The following WRN variants were observed in gnomAD, a reference collection of about 807,000 sequenced individuals.
The protein encoded by WRN is bifunctional 3'-5' exonuclease/ATP-dependent helicase WRN.
In WRN, 149 loss-of-function variants were observed where a neutral mutation model predicts 180.7. That is an observed-to-expected ratio of 0.82 (90% CI 0.72 to 0.94). The LOEUF (loss-of-function observed/expected upper bound fraction) is 0.94. WRN is among the 40% of genes least tolerant of loss of function. The pLI, the probability that WRN is intolerant of heterozygous loss-of-function variation, is 0.00. For missense variants in WRN, 1,661 were observed against 1,700.1 expected (o/e 0.98, Z 0.40); for synonymous variants, 548 against 568.9 (o/e 0.96, Z 0.52).
At chr8:31,091,010 A>G (rs1813730024) in intron 15 of WRN, 68 bp downstream of exon 15, 1 of 1,164,620 alleles carries the variant, frequency 8.6e-7, no homozygotes, top group Non-Finnish European at 1.3e-6. Flanking sequence ...CATCTGATCC[A>G]TCATGCATGT....
intron 21 of WRN, 23 bp from the exon 22 acceptor site, chr8:31,124,499 C>T (rs746939229): frequency 1.9e-6 from 3 of 1,559,016 alleles, no homozygotes; most frequent in Non-Finnish European, 2.7e-6. Context: ...TTTACATATT[C>T]CTGTGATGTT....
At chr8:31,086,334 A>C (rs1271881011) in intron 11 of WRN, among the ~76,000 whole-genome samples, 2 of 152,096 alleles carry the variant, frequency 1.3e-5, no homozygotes, top group Non-Finnish European at 2.9e-5. Flanking sequence ...GCACTTTGGG[A>C]GGCCGAGGCA....
intron 34 of WRN, among the ~76,000 whole-genome samples, chr8:31,170,321 T>C (rs1804055275): frequency 6.6e-6 from 1 of 152,176 alleles, no homozygotes; most frequent in South Asian, 2.1e-4. Flanking sequence ...TTTTTCTTCT[T>C]ATTTTTCTTG....
chr8:31,076,202 A>C lies in WRN; in HGVS notation c.754A>C (p.Lys252Gln), dbSNP rs751986285. Reference sequence around the variant, plus strand: ...AGAAATCCTACTTAGCGACATGAACAAACAGTTGACTTCAATCTCTGAGGA... The same window carrying C: ...AGAAATCCTACTTAGCGACATGAACCAACAGTTGACTTCAATCTCTGAGGA... ...EEEILLSDMNKQLTSISEEVM... is the reference protein window; with the variant it reads ...EEEILLSDMNQQLTSISEEVM... Residue 252 changes from lysine (K) to glutamine (Q), a missense_variant, in exon 8 of 35, where the codon AAA becomes CAA. Around this residue, in one of 3 missense-constraint regions of WRN, gnomAD observed 500 missense variants for 504.1 expected, o/e 0.99. Transcript: ENST00000298139. 6.2e-7 allele frequency: 1 copy of C among 1,613,934 alleles called. No homozygotes were observed. The highest frequency in any genetic ancestry group is 8.5e-7 in the Non-Finnish European group (1 of 1,179,920).
chr8:31,162,778 C>T (rs1032284941), intron 33 of WRN, among the ~76,000 whole-genome samples: 1 of 152,082 alleles, frequency 6.6e-6, no homozygotes, highest in African/African-American at 2.4e-5. Context: ...CTGTTGGCTG[C>T]CCGTCGTTGA....
intron 26 of WRN, among the ~76,000 whole-genome samples, chr8:31,142,059 C>T (rs1225995738): frequency 6.6e-6 from 1 of 152,050 alleles, no homozygotes; most frequent in Non-Finnish European, 1.5e-5. Context: ...AAGTAATCCT[C>T]AGCCACCTGA....
chr8:31,046,067 G>A lies in WRN; in HGVS notation c.-77+12094G>A, dbSNP rs527672131. Among the ~76,000 whole-genome samples the A allele has an allele frequency of 5.9e-5, 9 of 152,178 alleles. No individual in the cohort carries two copies. In the East Asian group the frequency reaches 1.7e-3, roughly 29 times the overall value. ...GCAGGTTGTCATTTTTGCTGTTACT[G>A]ATTTTGGATATAAATTTTGGATATA... On this transcript the variant is annotated intron_variant, in intron 1 of 34. Coordinates refer to ENST00000298139, the MANE Select transcript of WRN (RefSeq NM_000553.6).
At chr8:31,142,959 G>C (rs938201164) in intron 27 of WRN, among the ~76,000 whole-genome samples, 1 of 151,766 alleles carries the variant, frequency 6.6e-6, no homozygotes, top group Admixed American at 6.6e-5. Context: ...ATTTGGCTTA[G>C]AGTAGTCACA....
intron 23 of WRN, among the ~76,000 whole-genome samples, chr8:31,130,976 A>G (rs937484574): frequency 6.6e-5 from 10 of 151,976 alleles, no homozygotes; most frequent in Admixed American, 1.3e-4. Context: ...TGCCCACCCC[A>G]TCTCCATCGA....
At chr8:31,034,894 T>C (rs906531610) in intron 1 of WRN, among the ~76,000 whole-genome samples, 3 of 152,224 alleles carry the variant, frequency 2.0e-5, no homozygotes, top group African/African-American at 7.2e-5. Context: ...TGGCATTTTA[T>C]GGCTTCTTGG....
intron 1 of WRN, among the ~76,000 whole-genome samples, chr8:31,052,416 C>T (rs575167710): frequency 2.6e-4 from 39 of 152,092 alleles, no homozygotes; most frequent in Middle Eastern, 3.4e-3. Flanking sequence ...TTGAGACAGT[C>T]TTGCTCTGTT....
chr8:31,171,099 T>G (rs1298657857), intron 34 of WRN: 3 of 152,196 alleles, frequency 2.0e-5, no homozygotes, highest in African/African-American at 7.2e-5. Flanking sequence ...ACACGCATAA[T>G]AAGGTCATAC....
intron 17 of WRN, among the ~76,000 whole-genome samples, chr8:31,098,908 A>G (rs1470264643): frequency 6.6e-6 from 1 of 152,182 alleles, no homozygotes; most frequent in Non-Finnish European, 1.5e-5. Context: ...AAAAGAGACC[A>G]TCATTCTGTT....
At chr8:31,104,498 G>A (rs73583704) in intron 18 of WRN, among the ~76,000 whole-genome samples, 3,697 of 152,060 alleles carry the variant, frequency 0.024, 139 homozygotes, top group African/African-American at 0.085. Flanking sequence ...TCTTTTTACC[G>A]TGTCTTTCAC....
In WRN at chr8:31,074,021, A is replaced by G. The variant is rs538544121; in HGVS notation, c.725-2152A>G. 1.8e-4 allele frequency among the ~76,000 whole-genome samples: 27 copies of G among 151,324 alleles called. No individual in the cohort carries two copies. The South Asian group carries it at 5.2e-3, about 29-fold the overall frequency. On this transcript the variant is annotated intron_variant, in intron 7 of 34. Transcript: ENST00000298139. ...AAGCTCCGCCTCCCAGGTTCACACT[A>G]TTCTCCTGCCTCAGCCTCCGGAGTA... is the stretch of plus-strand genomic sequence containing the variant.
chr8:31,066,167 C>T (rs141089667), intron 5 of WRN, among the ~76,000 whole-genome samples: 112 of 150,882 alleles, frequency 7.4e-4, no homozygotes, highest in African/African-American at 2.1e-3. Flanking sequence ...CGTGAGCCAC[C>T]GCACCTGGCC....
rs147507944 is a variant in WRN, at chr8:31,144,429, G to A, written c.3383+806G>A. On this transcript the variant is annotated intron_variant, in intron 28 of 34. Transcript: ENST00000298139. ...CGGCTCACTGCAATCTTCGCCTCCC[G>A]GGTTCAAGCGATTCTCCTGTCTTAG... Among the ~76,000 whole-genome samples the A allele has an allele frequency of 5.7e-3, 854 of 150,002 alleles. 10 individuals are homozygous for A. Among genetic ancestry groups the A allele is most frequent in the Middle Eastern group, 0.034 (10 of 292 alleles).
In WRN at chr8:31,116,377, C is replaced by G. The variant is rs748486712; in HGVS notation, c.2297C>G (p.Pro766Arg). The G allele has an allele frequency of 1.6e-5, 26 of 1,613,696 alleles. No individual in the cohort carries two copies. The South Asian group carries it at 2.7e-4, about 17-fold the overall frequency. ...AGTTCCCACTGGGAATTTGAAGGTC[C>G]AACAATCATCTACTGTCCTTCTAGA... is the stretch of plus-strand genomic sequence containing the variant. ...KTSSHWEFEG[P>R]TIIYCPSRKM... The change falls in exon 20 of 35, where the codon CCA becomes CGA. Residue 766 changes from proline to arginine, a missense_variant. Transcript: ENST00000298139.
intron 5 of WRN, among the ~76,000 whole-genome samples, chr8:31,066,600 ATTTTT>A (rs1249867912): frequency 1.4e-5 from 2 of 146,344 alleles, no homozygotes; most frequent in African/African-American, 5.0e-5. Flanking sequence ...TTAAAAAAAA[ATTTTT>A]TTTTTTTTAA....
Sources: allele counts gnomAD v4.1 joint callset (sites outside exome capture counted in the v4.1 genomes callset), GRCh38; gene constraint gnomAD v4.1.1; regional missense constraint gnomAD v4.1.1; transcripts MANE v1.5; gene names NCBI Gene and HGNC (gene_info 2026-07-23, HGNC 2026-07-21).